Variants in HIBADH observed in about 807,000 individuals in gnomAD.
HIBADH encodes 3-hydroxyisobutyrate dehydrogenase, also known as 3-hydroxyisobutyrate dehydrogenase, mitochondrial.
In HIBADH, 25 loss-of-function variants were observed where a neutral mutation model predicts 36.1. The observed-to-expected ratio is 0.69, with a 90% CI of 0.50 to 0.97. The LOEUF (loss-of-function observed/expected upper bound fraction) is 0.97, where lower values mean the gene tolerates loss of function less well. HIBADH is among the 50% of genes least tolerant of loss of function. The pLI, the probability that HIBADH is intolerant of heterozygous loss-of-function variation, is 0.00. For synonymous variants in HIBADH, 160 were observed against 149.5 expected (o/e 1.07, Z -0.51); for missense variants, 421 against 418.0 (o/e 1.01, Z -0.06).
Position 27,545,907 on chromosome 7 carries a change from T to C in HIBADH, c.485-2807A>G, listed in dbSNP as rs117098657. Among the ~76,000 whole-genome samples the C allele has an allele frequency of 9.1e-4, 139 of 152,278 alleles. 3 individuals are homozygous for C. In the East Asian group the frequency reaches 0.022, roughly 24 times the overall value. Reference sequence around the variant, plus strand: ...AGTGCATGATATACTCAACAAATGGTTGGCTGATAAATAGCATGGTAGAAA... The same window carrying C: ...AGTGCATGATATACTCAACAAATGGCTGGCTGATAAATAGCATGGTAGAAA... On this transcript the variant is annotated intron_variant, in intron 4 of 7. Transcript: ENST00000265395.
chr7:27,533,070 T>C (rs1784024677), intron 6 of HIBADH, among the ~76,000 whole-genome samples: 1 of 152,182 alleles, frequency 6.6e-6, no homozygotes, highest in Non-Finnish European at 1.5e-5. Flanking sequence ...TGAAATATAA[T>C]TTCAGGGCTT....
chr7:27,538,069 G>C (rs1055976546), intron 6 of HIBADH, among the ~76,000 whole-genome samples: 21 of 152,060 alleles, frequency 1.4e-4, no homozygotes, highest in African/African-American at 4.8e-4. Context: ...AAGAAATGGG[G>C]GTCCCACATA....
intron 5 of HIBADH, among the ~76,000 whole-genome samples, chr7:27,539,110 G>C (rs908779024): frequency 6.6e-6 from 1 of 152,014 alleles, no homozygotes; most frequent in African/African-American, 2.4e-5. Flanking sequence ...AATTTGACAC[G>C]GTAGGAAATA....
At chr7:27,635,152 G>C (rs1204560684) in intron 2 of HIBADH, among the ~76,000 whole-genome samples, 3 of 151,376 alleles carry the variant, frequency 2.0e-5, no homozygotes, top group African/African-American at 4.9e-5. Context: ...TACTACAAAG[G>C]CATGTTTATC....
At chr7:27,611,920 C>A (rs1785328056) in intron 4 of HIBADH, among the ~76,000 whole-genome samples, 2 of 152,208 alleles carry the variant, frequency 1.3e-5, no homozygotes, top group Admixed American at 1.3e-4. Flanking sequence ...AATATCACTT[C>A]CCCAGAAAGG....
intron 2 of HIBADH, among the ~76,000 whole-genome samples, chr7:27,640,030 CG>C (rs1239281334): frequency 7.2e-5 from 11 of 152,130 alleles, no homozygotes; most frequent in African/African-American, 2.7e-4. Context: ...CCCAGAGAGA[CG>C]TAAGCATAGG....
At chr7:27,543,456 A>C (rs939101460) in intron 4 of HIBADH, among the ~76,000 whole-genome samples, 7 of 151,568 alleles carry the variant, frequency 4.6e-5, no homozygotes, top group Admixed American at 2.6e-4. Flanking sequence ...GAAAGTATAC[A>C]AAAAAAAAGT....
intron 4 of HIBADH, among the ~76,000 whole-genome samples, chr7:27,557,008 C>G (rs528821923): frequency 6.6e-6 from 1 of 152,094 alleles, no homozygotes; most frequent in South Asian, 2.1e-4. Flanking sequence ...AACATGGTAA[C>G]ACATGCCTGT....
At chr7:27,633,761 AG>A (rs1328686170) in intron 2 of HIBADH, among the ~76,000 whole-genome samples, 2 of 152,194 alleles carry the variant, frequency 1.3e-5, no homozygotes, top group African/African-American at 4.8e-5. Context: ...AAAGACGATC[AG>A]GCAGATTATT....
intron 4 of HIBADH, among the ~76,000 whole-genome samples, chr7:27,612,236 T>C (rs1160434148): frequency 5.9e-5 from 9 of 152,120 alleles, no homozygotes; most frequent in Non-Finnish European, 7.4e-5. Context: ...ATAAGGACTA[T>C]ATAAATAATT....
chr7:27,530,747 G>A (rs1045543333), intron 7 of HIBADH, among the ~76,000 whole-genome samples: 2 of 152,110 alleles, frequency 1.3e-5, no homozygotes, highest in African/African-American at 4.8e-5. Flanking sequence ...AAATCTTAAA[G>A]CAGGAAGATG....
chr7:27,607,053 C>G (rs1043171368), intron 4 of HIBADH, among the ~76,000 whole-genome samples: 3 of 152,102 alleles, frequency 2.0e-5, no homozygotes, highest in African/African-American at 7.2e-5. Flanking sequence ...CTTGAAATAT[C>G]CAGTGTTGCT....
At chr7:27,558,754 C>A (rs996639066) in intron 4 of HIBADH, among the ~76,000 whole-genome samples, 6 of 152,194 alleles carry the variant, frequency 3.9e-5, no homozygotes, top group African/African-American at 1.4e-4. Flanking sequence ...ATCTCTTCCA[C>A]AGTTTTAGCT....
chr7:27,623,986 A>T (rs1461188424), intron 4 of HIBADH, among the ~76,000 whole-genome samples: 2 of 152,158 alleles, frequency 1.3e-5, no homozygotes, highest in Non-Finnish European at 2.9e-5. Context: ...TTTAGTAGAG[A>T]CAGGTTTCAC....
intron 4 of HIBADH, among the ~76,000 whole-genome samples, chr7:27,554,691 G>A (rs1456091452): frequency 2.0e-5 from 3 of 152,198 alleles, no homozygotes; most frequent in Non-Finnish European, 2.9e-5. Context: ...AGAGAGGGAA[G>A]AGAGTAAGAA....
intron 4 of HIBADH, among the ~76,000 whole-genome samples, chr7:27,549,945 G>A (rs900220894): frequency 3.9e-5 from 6 of 152,124 alleles, no homozygotes; most frequent in African/African-American, 1.4e-4. Flanking sequence ...GTCTCGCTCA[G>A]TCGCCAGGAT....
chr7:27,541,558 ATGG>A (rs771500725), intron 5 of HIBADH, among the ~76,000 whole-genome samples: 4 of 152,182 alleles, frequency 2.6e-5, no homozygotes, highest in Non-Finnish European at 5.9e-5. Context: ...TTTGTTTACA[ATGG>A]TCCTTACATT....
At chr7:27,595,614 G>C (rs1785021255) in intron 4 of HIBADH, among the ~76,000 whole-genome samples, 1 of 151,026 alleles carries the variant, frequency 6.6e-6, no homozygotes, top group Non-Finnish European at 1.5e-5. Context: ...GTGTGTGTGT[G>C]TGTGTGTGTG....
At chr7:27,603,519 T>C (rs1212914159) in intron 4 of HIBADH, among the ~76,000 whole-genome samples, 1 of 152,146 alleles carries the variant, frequency 6.6e-6, no homozygotes, top group African/African-American at 2.4e-5. Flanking sequence ...CATTGTTTCC[T>C]TGCCTATATA....
Sources: allele counts gnomAD v4.1 joint callset (sites outside exome capture counted in the v4.1 genomes callset), GRCh38; gene constraint gnomAD v4.1.1; transcripts MANE v1.5; gene names NCBI Gene and HGNC (gene_info 2026-07-23, HGNC 2026-07-21).